Variants in PRKN observed in about 807,000 individuals in gnomAD.
PRKN encodes the protein parkin RBR E3 ubiquitin protein ligase.
A neutral mutation model predicts 59.5 loss-of-function variants in PRKN; 56 were observed. The ratio of observed to expected loss-of-function variants is 0.94; its 90% CI spans 0.76 to 1.18. The LOEUF (loss-of-function observed/expected upper bound fraction) is 1.18, where lower values mean the gene tolerates loss of function less well. PRKN is among the 50% of genes most tolerant of loss of function. The pLI, the probability that PRKN is intolerant of heterozygous loss-of-function variation, is 0.00. For synonymous variants in PRKN, 250 were observed against 222.1 expected (o/e 1.13, Z -1.12); for missense variants, 657 against 596.4 (o/e 1.10, Z -1.06).
Position 161,391,476 on chromosome 6 carries a change from C to T in PRKN, c.1084-4599G>A, listed in dbSNP as rs1786502472. 1.4e-5 allele frequency among the ~76,000 whole-genome samples: 2 copies of T among 146,774 alleles called. No homozygotes were observed. The highest frequency in any genetic ancestry group is 3.0e-5 in the Non-Finnish European group (2 of 66,860). On this transcript the variant is annotated intron_variant, in intron 9 of 11. Coordinates refer to ENST00000366898, the MANE Select transcript of PRKN (RefSeq NM_004562.3). The surrounding 1 kb of genome is among the most constrained non-coding windows in gnomAD (Gnocchi z 4.9). ...GAAATTTTAAATGTCTTTAAACAAT[C>T]ATAAAATAATACATACTTATTTCAT...
chr6:162,231,643 A>T (rs979987813), intron 3 of PRKN, among the ~76,000 whole-genome samples: 4 of 152,224 alleles, frequency 2.6e-5, no homozygotes, highest in African/African-American at 9.6e-5. Flanking sequence ...CCATACACAT[A>T]GCACGGTCCT....
chr6:161,693,841 G>A (rs1276706911), intron 7 of PRKN, among the ~76,000 whole-genome samples: 1 of 152,158 alleles, frequency 6.6e-6, no homozygotes, highest in African/African-American at 2.4e-5. Context: ...TTAGTCTAAT[G>A]TGCTCAATCA....
Position 161,581,199 on chromosome 6 carries a change from ACT to A in PRKN, c.872-11785_872-11784del, listed in dbSNP as rs1266958349. Among the ~76,000 whole-genome samples, 36 of 149,794 alleles carry A rather than the reference ACT, an allele frequency of 2.4e-4. No individual in the cohort carries two copies. The highest frequency in any genetic ancestry group is 2.1e-3 in the Admixed American group (31 of 14,986). On this transcript the variant is annotated intron_variant, in intron 7 of 11. Transcript: ENST00000366898. This position sits in a 1 kb window ranked among gnomAD's most constrained non-coding sequence, Gnocchi z 4.5. ...GCACCAGCCTGGGCAACAGAGTGAGACTCTGTCTCAAAAAAAAAAAAAAAGTT... is the reference window on the plus strand; with the variant it reads ...GCACCAGCCTGGGCAACAGAGTGAGACTGTCTCAAAAAAAAAAAAAAAGTT...
chr6:161,637,848 C>T (rs191701587), intron 7 of PRKN, among the ~76,000 whole-genome samples: 11 of 152,202 alleles, frequency 7.2e-5, no homozygotes, highest in Admixed American at 3.3e-4. Context: ...AAAATTTGGG[C>T]GTGCTCCCAG....
At chr6:162,673,481 G>A (rs1779412549) in intron 1 of PRKN, among the ~76,000 whole-genome samples, 1 of 152,082 alleles carries the variant, frequency 6.6e-6, no homozygotes, top group Non-Finnish European at 1.5e-5. Flanking sequence ...CACTTCCTGG[G>A]CTCACACCGT....
intron 2 of PRKN, among the ~76,000 whole-genome samples, chr6:162,283,192 T>C (rs1022463582): frequency 2.6e-5 from 4 of 152,190 alleles, no homozygotes; most frequent in Non-Finnish European, 5.9e-5. Flanking sequence ...GTTATTTATA[T>C]GAACAGTTGG....
chr6:162,016,149 A>G (rs1262984632), intron 5 of PRKN, among the ~76,000 whole-genome samples: 1 of 72,356 alleles, frequency 1.4e-5, no homozygotes, highest in Non-Finnish European at 2.8e-5. Context: ...GTTTAAAATA[A>G]TAATAAAAAA....
chr6:162,626,900 A>G (rs1782921499), intron 1 of PRKN, among the ~76,000 whole-genome samples: 1 of 152,186 alleles, frequency 6.6e-6, no homozygotes, highest in South Asian at 2.1e-4. Flanking sequence ...ATTCAATAAA[A>G]TATTCATTTT....
intron 1 of PRKN, among the ~76,000 whole-genome samples, chr6:162,660,618 T>G (rs1778841592): frequency 1.3e-5 from 2 of 152,300 alleles, no homozygotes; most frequent in South Asian, 4.1e-4. Context: ...ATTTATCTAC[T>G]TGTTTGTCCT....
chr6:162,173,443 C>T (rs12215296), intron 4 of PRKN, among the ~76,000 whole-genome samples: 12 of 152,084 alleles, frequency 7.9e-5, no homozygotes, highest in Non-Finnish European at 1.3e-4. Flanking sequence ...TAAAAACTGA[C>T]GAAGCCTTCC....
At chr6:162,576,484 C>T (rs1280173241) in intron 1 of PRKN, among the ~76,000 whole-genome samples, 1 of 152,152 alleles carries the variant, frequency 6.6e-6, no homozygotes, top group African/African-American at 2.4e-5. Context: ...TGGAATCTCA[C>T]AGGCTTTCCT....
At chr6:161,897,894 G>A (rs960772815) in intron 6 of PRKN, among the ~76,000 whole-genome samples, 1 of 141,912 alleles carries the variant, frequency 7.0e-6, no homozygotes, top group Non-Finnish European at 1.5e-5. Context: ...GTGAACCCGG[G>A]AGGCGGAGCT....
Position 161,413,182 on chromosome 6 carries a change from C to G in PRKN, c.1084-26305G>C, listed in dbSNP as rs1283433511. Among the ~76,000 whole-genome samples the G allele has an allele frequency of 6.6e-6, 1 of 152,160 alleles. No homozygotes were observed. Among genetic ancestry groups the G allele is most frequent in the Non-Finnish European group, 1.5e-5 (1 of 68,038 alleles). On this transcript the variant is annotated intron_variant, in intron 9 of 11. Transcript: ENST00000366898. This position sits in a 1 kb window ranked among gnomAD's most constrained non-coding sequence, Gnocchi z 4.4. ...GGGCGGAGGAATGTGCATTTAGGGT[C>G]GTGGGACCCCTTCCCATTTATTTGT...
At chr6:161,826,039 G>C (rs1278680773) in intron 6 of PRKN, among the ~76,000 whole-genome samples, 1 of 152,066 alleles carries the variant, frequency 6.6e-6, no homozygotes, top group Non-Finnish European at 1.5e-5. Context: ...TCTCACTCTT[G>C]CCCCAAGCTC....
intron 4 of PRKN, among the ~76,000 whole-genome samples, chr6:162,179,966 TACTG>T (rs1240021242): frequency 5.8e-4 from 63 of 108,146 alleles, no homozygotes; most frequent in Admixed American, 8.8e-4. Context: ...GTTATCTTAT[TACTG>T]TGTGTGTGTG....
chr6:161,480,639 G>A lies in PRKN; in HGVS notation c.1083+68215C>T, dbSNP rs145529964. Among the ~76,000 whole-genome samples the A allele has an allele frequency of 1.3e-5, 2 of 152,250 alleles. No individual in the cohort carries two copies. The highest frequency in any genetic ancestry group is 1.9e-4 in the East Asian group (1 of 5,174). The stretch of plus-strand genomic sequence containing the variant: ...AAGCAGACAAGACTCAGGAAATATC[G>A]TCTCCTTTGTAGGAAATCACCTAAC... On this transcript the variant is annotated intron_variant, in intron 9 of 11. Coordinates refer to ENST00000366898, the MANE Select transcript of PRKN (RefSeq NM_004562.3). This position sits in a 1 kb window ranked among gnomAD's most constrained non-coding sequence, Gnocchi z 4.1.
At chr6:162,586,573 T>C (rs1271188764) in intron 1 of PRKN, among the ~76,000 whole-genome samples, 1 of 152,200 alleles carries the variant, frequency 6.6e-6, no homozygotes, top group South Asian at 2.1e-4. Context: ...CTCTCCAATA[T>C]GACTATGAGT....
chr6:162,366,485 A>G (rs2128135490), intron 2 of PRKN, among the ~76,000 whole-genome samples: 1 of 152,342 alleles, frequency 6.6e-6, no homozygotes, highest in East Asian at 1.9e-4. Flanking sequence ...TTCAAAAATA[A>G]ACACAGAAAA....
At chr6:162,264,168 T>C (rs1261542942) in intron 2 of PRKN, among the ~76,000 whole-genome samples, 5 of 152,050 alleles carry the variant, frequency 3.3e-5, no homozygotes, top group Non-Finnish European at 7.4e-5. Flanking sequence ...TCCCAGCTAC[T>C]TGGGAGGCTG....
Sources: gnomAD v4.1 joint callset for allele counts (sites outside exome capture counted in the v4.1 genomes callset) on GRCh38, gnomAD v4.1.1 for gene constraint, Gnocchi (gnomAD v3.1) non-coding constraint, MANE v1.5 for transcripts, NCBI Gene and HGNC (gene_info 2026-07-23, HGNC 2026-07-21) for gene names.